Variants in ADAMTSL2 observed in about 807,000 individuals in gnomAD.
The protein encoded by ADAMTSL2 is ADAMTS-like protein 2.
ADAMTSL2 carries 55 observed loss-of-function variants against 117.0 expected under a neutral mutation model. The observed-to-expected ratio is 0.47, with a 90% confidence interval of 0.38 to 0.59. ADAMTSL2 has a LOEUF of 0.59. Among genes scored for constraint, ADAMTSL2 ranks in the 20% least tolerant of loss-of-function variants. ADAMTSL2 has a pLI of 0.00. For missense variants in ADAMTSL2, 1,182 were observed against 1,354.5 expected (o/e 0.87, Z 2.00); for synonymous variants, 572 against 566.4 (o/e 1.01, Z -0.14).
chr9:133,561,170 C>A lies in ADAMTSL2; in HGVS notation c.1650-28C>A. On this transcript the variant is annotated intron_variant, in intron 11 of 18. Transcript: ENST00000651351. ...GCCGGTGGGGCCTGGAGCGTCTCAT[C>A]ACCTTCCCTGCTTGGTCTCGCTTTC... is the stretch of plus-strand genomic sequence containing the variant. The A allele has an allele frequency of 2.5e-6, 4 of 1,577,430 alleles. No homozygotes were observed. The South Asian group carries it at 3.5e-5, about 14-fold the overall frequency.
At chr9:133,542,975 T>C (rs925293720) in intron 7 of ADAMTSL2, among the ~76,000 whole-genome samples, 10 of 151,372 alleles carry the variant, frequency 6.6e-5, no homozygotes, top group Non-Finnish European at 1.0e-4. Context: ...TGAGACGGAG[T>C]TTTGTTCTTG....
At chr9:133,548,454 G>A (rs1227472755) in intron 9 of ADAMTSL2, among the ~76,000 whole-genome samples, 1 of 152,150 alleles carries the variant, frequency 6.6e-6, no homozygotes, top group Non-Finnish European at 1.5e-5. Context: ...TGCAGGGGCT[G>A]TTTTGTAGGT....
chr9:133,548,162 G>T (rs1002122140), intron 9 of ADAMTSL2, among the ~76,000 whole-genome samples: 3 of 152,240 alleles, frequency 2.0e-5, no homozygotes, highest in African/African-American at 7.2e-5. Flanking sequence ...TGAAATGTGG[G>T]CACAGAGCGA....
At chr9:133,543,275 C>T (rs888401944) in intron 7 of ADAMTSL2, among the ~76,000 whole-genome samples, 9 of 152,252 alleles carry the variant, frequency 5.9e-5, no homozygotes, top group Admixed American at 5.2e-4. Context: ...TGCAGCCTCT[C>T]TTCCCAATGC....
At position 133,574,100 on chromosome 9, in the gene ADAMTSL2, C is replaced by T; in HGVS notation, c.2737+113C>T. On this transcript the variant is annotated intron_variant, in intron 18 of 18. Transcript: ENST00000651351. ...CTCACCTTGATGGCGAGCCTGGGAA[C>T]CAGCTTGAGAGACCAAGCTGTGCAG... 4 of 1,418,012 alleles carry T rather than the reference C, an allele frequency of 2.8e-6. No homozygotes were observed. The South Asian group carries it at 5.0e-5, about 18-fold the overall frequency. The allele number at this position is 1,418,012 out of a possible 1,614,324, so 87.8% of individuals were successfully genotyped here.
At chr9:133,562,039 A>C (rs1830741525) in intron 12 of ADAMTSL2, among the ~76,000 whole-genome samples, 1 of 152,170 alleles carries the variant, frequency 6.6e-6, no homozygotes, top group Admixed American at 6.5e-5. Context: ...CATTTTATCT[A>C]TTCTTGGGGC....
chr9:133,538,476 G>A (rs772418627), intron 4 of ADAMTSL2, 52 bp downstream of exon 4: 2 of 1,599,898 alleles, frequency 1.3e-6, no homozygotes, highest in Admixed American at 3.3e-5. Context: ...CTGTCATCAT[G>A]CAGTTTTCAG....
At chr9:133,563,491 C>G (rs1487380390) in intron 12 of ADAMTSL2, among the ~76,000 whole-genome samples, 1 of 152,188 alleles carries the variant, frequency 6.6e-6, no homozygotes, top group Non-Finnish European at 1.5e-5. Context: ...TGTGATTCCT[C>G]CCAGACACAT....
At chr9:133,553,388 T>C (rs1830531030) in intron 9 of ADAMTSL2, among the ~76,000 whole-genome samples, 1 of 152,142 alleles carries the variant, frequency 6.6e-6, no homozygotes. Context: ...AGGGTGTCTT[T>C]CTCTGCGGCT....
At chr9:133,546,680 A>G (rs993646566) in intron 8 of ADAMTSL2, among the ~76,000 whole-genome samples, 1 of 152,182 alleles carries the variant, frequency 6.6e-6, no homozygotes, top group African/African-American at 2.4e-5. Context: ...TGTGCCTTCC[A>G]CAGGCCACAG....
intron 17 of ADAMTSL2, among the ~76,000 whole-genome samples, chr9:133,571,388 G>A (rs1831103374): frequency 6.6e-6 from 1 of 152,188 alleles, no homozygotes; most frequent in South Asian, 2.1e-4. Flanking sequence ...TCATCCCAAG[G>A]GGCCCTGGGC....
chr9:133,533,389 G>C (rs545526360), upstream of ADAMTSL2, among the ~76,000 whole-genome samples: 1 of 152,276 alleles, frequency 6.6e-6, no homozygotes, highest in South Asian at 2.1e-4. Context: ...CGAGGGTCCC[G>C]GGGAGAGAAA....
At chr9:133,563,386 TC>T (rs1830793199) in intron 12 of ADAMTSL2, among the ~76,000 whole-genome samples, 1 of 152,202 alleles carries the variant, frequency 6.6e-6, no homozygotes, top group African/African-American at 2.4e-5. Context: ...TGCCCTGAGT[TC>T]CTCCACTCTT....
chr9:133,564,489 G>A (rs1317609538), intron 12 of ADAMTSL2, among the ~76,000 whole-genome samples: 41 of 10,762 alleles, frequency 3.8e-3, no homozygotes, highest in African/African-American at 5.7e-3. Context: ...AGAGAGAGAG[G>A]GAGACAGAGA....
intron 17 of ADAMTSL2, among the ~76,000 whole-genome samples, chr9:133,573,259 GC>G (rs1214270313): frequency 6.6e-6 from 1 of 152,218 alleles, no homozygotes; most frequent in African/African-American, 2.4e-5. Flanking sequence ...GGTGACTGGG[GC>G]CAGCAGATGT....
intron 17 of ADAMTSL2, among the ~76,000 whole-genome samples, chr9:133,571,391 C>A (rs1366211079): frequency 6.6e-6 from 1 of 152,182 alleles, no homozygotes; most frequent in African/African-American, 2.4e-5. Context: ...TCCCAAGGGG[C>A]CCTGGGCAGG....
chr9:133,555,457 C>A, intron 10 of ADAMTSL2, 101 bp from the exon 11 acceptor site: 1 of 1,480,908 alleles, frequency 6.8e-7, no homozygotes, highest in South Asian at 1.2e-5. Flanking sequence ...CTTGGTTCAG[C>A]TTGGTGTTTC....
In ADAMTSL2 at chr9:133,536,653, C is replaced by T. The variant is rs1452228033; in HGVS notation, c.-60C>T. The T allele has an allele frequency of 3.1e-6, 5 of 1,613,986 alleles. No homozygotes were observed. In the African/African-American group the frequency reaches 6.7e-5, roughly 22 times the overall value. On this transcript the variant is annotated 5_prime_UTR_variant, in exon 2 of 19. Transcript: ENST00000651351. ...CCGAGGGCTCTTCCCAAAGCGTACC[C>T]TGGTCATCTGGAAGAGGATCGGAGC...
intron 5 of ADAMTSL2, 125 bp downstream of exon 5, chr9:133,539,998 G>A: frequency 1.1e-6 from 1 of 906,420 alleles, no homozygotes; most frequent in Non-Finnish European, 1.7e-6. Context: ...CAGACGAAGA[G>A]CCAGGAATGA....
Sources: gnomAD v4.1 joint callset for allele counts (sites outside exome capture counted in the v4.1 genomes callset) on GRCh38, gnomAD v4.1.1 for gene constraint, MANE v1.5 for transcripts, NCBI Gene and HGNC (gene_info 2026-07-23, HGNC 2026-07-21) for gene names.